The following CSMD1 variants were observed in gnomAD, a reference collection of about 807,000 sequenced individuals.
The protein encoded by CSMD1 is CUB and sushi domain-containing protein 1.
CSMD1 carries 213 observed loss-of-function variants against 417.5 expected under a neutral mutation model. The observed-to-expected ratio is 0.51, with a 90% confidence interval of 0.46 to 0.57. The LOEUF (loss-of-function observed/expected upper bound fraction) is 0.57, where lower values mean the gene tolerates loss of function less well. Among genes scored for constraint, CSMD1 ranks in the 20% least tolerant of loss-of-function variants. CSMD1 has a pLI of 0.00. For missense variants in CSMD1, 6,923 were observed against 4,529.7 expected (o/e 1.53, Z -15.17); for synonymous variants, 2,862 against 1,736.8 (o/e 1.65, Z -16.11).
chr8:4,017,364 G>C (rs1172690555), intron 4 of CSMD1, among the ~76,000 whole-genome samples: 1 of 152,134 alleles, frequency 6.6e-6, no homozygotes, highest in African/African-American at 2.4e-5. Flanking sequence ...GGAGTGCAAT[G>C]GTGCGATCTT....
intron 7 of CSMD1, among the ~76,000 whole-genome samples, chr8:3,644,871 G>A (rs752980827): frequency 1.3e-5 from 2 of 149,350 alleles, no homozygotes; most frequent in Non-Finnish European, 2.9e-5. Context: ...TTGCTGTTGG[G>A]TGCATCTGCC....
intron 3 of CSMD1, among the ~76,000 whole-genome samples, chr8:4,156,803 C>A (rs190993157): frequency 6.6e-6 from 1 of 152,134 alleles, no homozygotes; most frequent in African/African-American, 2.4e-5. Context: ...AATTACAGAT[C>A]CCAGCAGCGA....
chr8:4,860,273 AG>A (rs1474474989), intron 1 of CSMD1, among the ~76,000 whole-genome samples: 1 of 22,230 alleles, frequency 4.5e-5, no homozygotes, highest in East Asian at 1.7e-3. Context: ...GGGTGGGGGG[AG>A]GGGGGAGGGA....
chr8:4,032,088 G>A lies in CSMD1; in HGVS notation c.427C>T (p.His143Tyr), dbSNP rs1206217997. Reference sequence around the variant, plus strand: ...ATTTCTCCAGGATTTCCACAAGTGTGGCTAGGTAAAACTATTGGAAAAAGA... The same window carrying A: ...ATTTCTCCAGGATTTCCACAAGTGTAGCTAGGTAAAACTATTGGAAAAAGA... ...FKALYEVLPS[H>Y]TCGNPGEILK... Residue 143 changes from histidine to tyrosine, a missense_variant, in exon 4 of 70, where the codon CAC becomes TAC. Physicochemically the swap from His to Tyr is moderately conservative, Grantham distance 83. Transcript: ENST00000635120. The A allele has an allele frequency of 4.3e-6, 7 of 1,610,236 alleles. No homozygotes were observed. The highest frequency in any genetic ancestry group is 5.9e-6 in the Non-Finnish European group (7 of 1,177,316).
chr8:4,221,319 C>T (rs564252780), intron 3 of CSMD1, among the ~76,000 whole-genome samples: 2 of 151,258 alleles, frequency 1.3e-5, no homozygotes, highest in South Asian at 4.3e-4. Context: ...GGACTTACCA[C>T]TTCTTGCTCA....
Position 3,663,245 on chromosome 8 carries a change from T to G in CSMD1, c.1009+45169A>C, listed in dbSNP as rs575769382. On this transcript the variant is annotated intron_variant, in intron 7 of 69. Coordinates refer to ENST00000635120, the MANE Select transcript of CSMD1 (RefSeq NM_033225.6). ...AAACAAAGAGTTGAAGAGGCCGTTC[T>G]CCATGAAAGTGAGAGAGTGCTGATA... Among the ~76,000 whole-genome samples the G allele has an allele frequency of 3.2e-4, 49 of 152,226 alleles. 2 individuals are homozygous for G. In the South Asian group the frequency reaches 9.1e-3, roughly 28 times the overall value.
rs187403693 is a variant in CSMD1, at chr8:3,636,224, C to G, written c.1010-19427G>C. Among the ~76,000 whole-genome samples the G allele has an allele frequency of 9.2e-5, 14 of 152,310 alleles. No homozygotes were observed. The East Asian group carries it at 2.5e-3, about 27-fold the overall frequency. On this transcript the variant is annotated intron_variant, in intron 7 of 69. Coordinates refer to ENST00000635120, the MANE Select transcript of CSMD1 (RefSeq NM_033225.6). ...ATTGGAAGGTCTTCAGGAGCAGTAA[C>G]AGGCGTGGAACTGTCATTTTCTAGG...
intron 3 of CSMD1, among the ~76,000 whole-genome samples, chr8:4,259,078 G>A (rs951203593): frequency 1.1e-4 from 17 of 152,132 alleles, no homozygotes; most frequent in African/African-American, 4.1e-4. Context: ...GAACGCTGAT[G>A]ATTTTGATGT....
chr8:3,183,650 C>T (rs1406158631), intron 36 of CSMD1, among the ~76,000 whole-genome samples: 1 of 152,192 alleles, frequency 6.6e-6, no homozygotes, highest in Admixed American at 6.5e-5. Flanking sequence ...ACCGACGTCA[C>T]GAACTGAACG....
chr8:4,788,280 G>A (rs1160387709), intron 1 of CSMD1: 1 of 1,589,876 alleles, frequency 6.3e-7, no homozygotes, highest in Non-Finnish European at 8.6e-7. Context: ...CATTCCTACT[G>A]TATTTGTGGC....
intron 5 of CSMD1, among the ~76,000 whole-genome samples, chr8:3,811,219 C>G (rs956645358): frequency 5.3e-5 from 8 of 152,134 alleles, no homozygotes; most frequent in Admixed American, 2.6e-4. Context: ...GAAGGGCAAT[C>G]TGTGAGTATG....
intron 1 of CSMD1, among the ~76,000 whole-genome samples, chr8:4,826,484 T>C (rs1799834968): frequency 6.6e-6 from 1 of 152,178 alleles, no homozygotes; most frequent in African/African-American, 2.4e-5. Context: ...TTTTGCTTTA[T>C]GTTGTTTTTA....
intron 3 of CSMD1, among the ~76,000 whole-genome samples, chr8:4,069,031 T>G (rs1423268052): frequency 6.6e-6 from 1 of 152,238 alleles, no homozygotes; most frequent in Non-Finnish European, 1.5e-5. Context: ...TTTGCTTATG[T>G]TTTATTCTTT....
chr8:3,292,301 T>C (rs1172683641), intron 25 of CSMD1, among the ~76,000 whole-genome samples: 9 of 151,996 alleles, frequency 5.9e-5, no homozygotes, highest in Non-Finnish European at 1.0e-4. Context: ...AATGTATATT[T>C]TGTTGATTTG....
intron 39 of CSMD1, among the ~76,000 whole-genome samples, chr8:3,152,095 T>C (rs537685332): frequency 8.5e-5 from 13 of 152,302 alleles, no homozygotes; most frequent in Admixed American, 1.3e-4. Flanking sequence ...CCACCACACA[T>C]GACTGTCAGA....
intron 2 of CSMD1, among the ~76,000 whole-genome samples, chr8:4,525,395 C>G (rs770504386): frequency 2.6e-5 from 4 of 152,134 alleles, no homozygotes; most frequent in Non-Finnish European, 4.4e-5. Flanking sequence ...ACAGCTGAAC[C>G]ACCAACTGTC....
At chr8:4,456,903 C>G (rs1244677457) in intron 2 of CSMD1, among the ~76,000 whole-genome samples, 1 of 150,808 alleles carries the variant, frequency 6.6e-6, no homozygotes, top group Non-Finnish European at 1.5e-5. Flanking sequence ...TATTTGAAGC[C>G]AGTTTCCACC....
chr8:3,694,707 G>C (rs1270972966), intron 7 of CSMD1, among the ~76,000 whole-genome samples: 1 of 151,852 alleles, frequency 6.6e-6, no homozygotes, highest in African/African-American at 2.4e-5. Context: ...GGGAATGAAA[G>C]GGGAGAACCT....
intron 12 of CSMD1, among the ~76,000 whole-genome samples, chr8:3,429,411 C>G (rs1814065979): frequency 6.6e-6 from 1 of 152,104 alleles, no homozygotes; most frequent in South Asian, 2.1e-4. Context: ...CCCTTCCACA[C>G]AGAGGTAGTG....
Sources: gnomAD v4.1 joint callset for allele counts (sites outside exome capture counted in the v4.1 genomes callset) on GRCh38, gnomAD v4.1.1 for gene constraint, MANE v1.5 for transcripts, NCBI Gene and HGNC (gene_info 2026-07-23, HGNC 2026-07-21) for gene names.